OCA2: variants seen among roughly 807,000 people sequenced by gnomAD.
OCA2 encodes P protein.
OCA2 carries 77 observed loss-of-function variants against 100.2 expected under a neutral mutation model. The ratio of observed to expected loss-of-function variants is 0.77; its 90% confidence interval spans 0.64 to 0.93. OCA2 has a LOEUF of 0.93. OCA2 is among the 40% of genes least tolerant of loss of function. The pLI is 0.00. For synonymous variants in OCA2, 432 were observed against 439.2 expected, an observed-to-expected ratio of 0.98 and a Z score of 0.21; for missense variants, 1,062 against 1,089.1, an observed-to-expected ratio of 0.98 and a Z score of 0.35.
At position 28,016,080 on chromosome 15, in the gene OCA2, A is replaced by G. The variant is rs527582929; in HGVS notation, c.890+24T>C. On this transcript the variant is annotated intron_variant, in intron 8 of 23. Coordinates refer to ENST00000354638, the MANE Select transcript of OCA2 (RefSeq NM_000275.3). ...CACGTGTCCCAGAGAGCCTGCCCCA[A>G]CACCTCACTCACTGAGAACTCACCT... 3.1e-6 allele frequency: 5 copies of G among 1,600,234 alleles called. No homozygotes were observed. The African/African-American group carries it at 5.4e-5, about 17-fold the overall frequency.
At chr15:27,842,094 C>T (rs1430400526) in intron 23 of OCA2, among the ~76,000 whole-genome samples, 1 of 152,162 alleles carries the variant, frequency 6.6e-6, no homozygotes, top group African/African-American at 2.4e-5. Flanking sequence ...AGCAAGCAAC[C>T]TCAATGCCTC....
intron 19 of OCA2, among the ~76,000 whole-genome samples, chr15:27,884,738 AG>A (rs1209017013): frequency 6.6e-6 from 1 of 152,242 alleles, no homozygotes; most frequent in Non-Finnish European, 1.5e-5. Flanking sequence ...AATAAAGGGA[AG>A]AAAATAAAAT....
chr15:27,827,900 T>C (rs1007517717), intron 23 of OCA2, among the ~76,000 whole-genome samples: 2 of 152,210 alleles, frequency 1.3e-5, no homozygotes, highest in African/African-American at 2.4e-5. Context: ...TCTCTTTATA[T>C]ATAGAAACGA....
At chr15:27,960,439 C>T (rs1595721584) in intron 15 of OCA2, among the ~76,000 whole-genome samples, 2 of 152,194 alleles carry the variant, frequency 1.3e-5, no homozygotes, top group Non-Finnish European at 2.9e-5. Context: ...GCTGGCACAG[C>T]TCTTGCCTTG....
intron 19 of OCA2, among the ~76,000 whole-genome samples, chr15:27,921,920 T>C (rs1182782385): frequency 1.3e-5 from 2 of 152,202 alleles, no homozygotes; most frequent in African/African-American, 2.4e-5. Context: ...CAGGCTGGTC[T>C]CAAACTCCTG....
At chr15:27,931,501 A>AT (rs1233723588) in intron 18 of OCA2, among the ~76,000 whole-genome samples, 1 of 151,814 alleles carries the variant, frequency 6.6e-6, no homozygotes, top group African/African-American at 2.4e-5. Context: ...CACCTGGCTA[A>AT]TTTTTTGTAT....
chr15:27,755,609 C>T (rs914559172), intron 23 of OCA2, 137 bp from the exon 24 acceptor site: 12 of 714,062 alleles, frequency 1.7e-5, no homozygotes, highest in African/African-American at 1.4e-4. Flanking sequence ...TTCCATAAAT[C>T]AGGAAGTTAG....
At chr15:27,850,986 T>C (rs1233688794) in intron 22 of OCA2, among the ~76,000 whole-genome samples, 3 of 152,194 alleles carry the variant, frequency 2.0e-5, no homozygotes, top group Non-Finnish European at 4.4e-5. Context: ...CCCACTCTTA[T>C]GGGTTAGAGT....
At chr15:28,049,157 T>C (rs1335112351) in intron 2 of OCA2, among the ~76,000 whole-genome samples, 1 of 152,172 alleles carries the variant, frequency 6.6e-6, no homozygotes, top group African/African-American at 2.4e-5. Context: ...AATTTTTAAA[T>C]GGGCGAAAGA....
downstream of OCA2, among the ~76,000 whole-genome samples, chr15:27,750,380 T>C (rs1176133717): frequency 6.6e-6 from 1 of 152,192 alleles, no homozygotes; most frequent in Non-Finnish European, 1.5e-5. Context: ...GCCAAATTCC[T>C]GGACAGGCAC....
chr15:28,090,080 C>T (rs1270129773), intron 1 of OCA2, among the ~76,000 whole-genome samples: 1 of 152,072 alleles, frequency 6.6e-6, no homozygotes, highest in Admixed American at 6.6e-5. Flanking sequence ...AACTTCAAGG[C>T]AAAGAAAATT....
intron 4 of OCA2, among the ~76,000 whole-genome samples, chr15:28,027,130 G>A (rs1046425638): frequency 2.0e-5 from 3 of 152,246 alleles, no homozygotes; most frequent in Non-Finnish European, 4.4e-5. Context: ...GCGCATGGGA[G>A]GAAACCCATT....
chr15:28,060,579 A>G (rs761348788), intron 2 of OCA2, among the ~76,000 whole-genome samples: 10 of 152,196 alleles, frequency 6.6e-5, no homozygotes, highest in Non-Finnish European at 1.0e-4. Flanking sequence ...TCTCTCCTCC[A>G]TAGAAGCAGC....
chr15:27,906,739 GA>G (rs35392529), intron 19 of OCA2, among the ~76,000 whole-genome samples: 29,072 of 148,960 alleles, frequency 0.2, 4,092 homozygotes, highest in East Asian at 0.62. Context: ...ATAAGTCAAT[GA>G]AAAAAAAAAG....
chr15:28,098,732 A>G (rs2045031153), intron 1 of OCA2, among the ~76,000 whole-genome samples: 1 of 152,220 alleles, frequency 6.6e-6, no homozygotes. Context: ...TGTGTCCTTG[A>G]AAAGAGCTAG....
intron 21 of OCA2, among the ~76,000 whole-genome samples, chr15:27,854,216 G>C (rs1055818680): frequency 3.9e-5 from 6 of 152,232 alleles, no homozygotes; most frequent in African/African-American, 1.4e-4. Flanking sequence ...GGCCACAACA[G>C]AAGATGGAGC....
chr15:28,008,814 C>T (rs1421115433), intron 9 of OCA2, among the ~76,000 whole-genome samples: 1 of 152,266 alleles, frequency 6.6e-6, no homozygotes, highest in African/African-American at 2.4e-5. Context: ...GTGTCAGCAT[C>T]TGGGGAGCAG....
intron 19 of OCA2, among the ~76,000 whole-genome samples, chr15:27,904,026 A>G (rs1383330216): frequency 6.6e-6 from 1 of 152,222 alleles, no homozygotes; most frequent in Non-Finnish European, 1.5e-5. Flanking sequence ...AGAAAACATT[A>G]CATTTAACAT....
At chr15:28,018,998 G>C (rs529892698) in intron 6 of OCA2, among the ~76,000 whole-genome samples, 12 of 152,128 alleles carry the variant, frequency 7.9e-5, no homozygotes, top group African/African-American at 2.9e-4. Context: ...GTCAAGCAAC[G>C]CTTATATGAA....
Sources: gnomAD v4.1 joint callset for allele counts (sites outside exome capture counted in the v4.1 genomes callset) on GRCh38, gnomAD v4.1.1 for gene constraint, MANE v1.5 for transcripts, NCBI Gene and HGNC (gene_info 2026-07-23, HGNC 2026-07-21) for gene names.